The following RTTN variants were observed in gnomAD, a reference collection of about 807,000 sequenced individuals.
The protein encoded by RTTN is rotatin.
RTTN carries 182 observed loss-of-function variants against 269.2 expected under a neutral mutation model. That is an observed-to-expected ratio of 0.68 (90% CI 0.60 to 0.76). The LOEUF (loss-of-function observed/expected upper bound fraction) is 0.76, where lower values mean the gene tolerates loss of function less well. Ranked by LOEUF, RTTN falls within the 30% of genes least tolerant of loss-of-function variation. The pLI is 0.00. For synonymous variants in RTTN, 1,006 were observed against 963.5 expected (o/e 1.04, Z -0.82); for missense variants, 2,545 against 2,608.6 (o/e 0.98, Z 0.53).
chr18:70,119,084 C>A (rs1309455210), intron 26 of RTTN, among the ~76,000 whole-genome samples: 1 of 151,918 alleles, frequency 6.6e-6, no homozygotes, highest in African/African-American at 2.4e-5. Flanking sequence ...CTAGCCAGAG[C>A]AATTAGTATA....
At chr18:70,103,145 C>T (rs1026341665) in intron 28 of RTTN, among the ~76,000 whole-genome samples, 2 of 149,840 alleles carry the variant, frequency 1.3e-5, no homozygotes, top group South Asian at 4.3e-4. Context: ...AAGTGAGGAT[C>T]GCCTCTGCCT....
chr18:70,062,772 T>C (rs949862116), intron 35 of RTTN, among the ~76,000 whole-genome samples: 1 of 152,004 alleles, frequency 6.6e-6, no homozygotes, highest in South Asian at 2.1e-4. Context: ...CCACCATGCC[T>C]GGCTAATTTA....
intron 19 of RTTN, among the ~76,000 whole-genome samples, chr18:70,141,089 T>C (rs910987935): frequency 6.6e-6 from 1 of 152,306 alleles, no homozygotes; most frequent in African/African-American, 2.4e-5. Flanking sequence ...GAGTTTTTCT[T>C]GATCTTTTTT....
chr18:70,183,015 T>G (rs909319351), intron 10 of RTTN, among the ~76,000 whole-genome samples: 3 of 152,166 alleles, frequency 2.0e-5, no homozygotes, highest in Non-Finnish European at 4.4e-5. Context: ...AATGACATAA[T>G]TAAAAACTTT....
intron 34 of RTTN, among the ~76,000 whole-genome samples, chr18:70,067,162 TA>T (rs1263296458): frequency 5.3e-5 from 3 of 56,376 alleles, no homozygotes; most frequent in African/African-American, 8.9e-5. Context: ...AAAGCTTGTT[TA>T]TTTTTTTTTT....
intron 39 of RTTN, 49 bp downstream of exon 39, chr18:70,051,362 C>T: frequency 7.1e-6 from 11 of 1,545,964 alleles, no homozygotes; most frequent in Non-Finnish European, 9.6e-6. Flanking sequence ...GAATCATTAT[C>T]TCGTTTTATT....
intron 40 of RTTN, among the ~76,000 whole-genome samples, chr18:70,043,454 AG>A (rs1324267444): frequency 3.9e-5 from 6 of 152,306 alleles, no homozygotes; most frequent in Non-Finnish European, 8.8e-5. Context: ...ATGAAAAAAA[AG>A]CTAAAGTCTC....
At chr18:70,074,510 T>G (rs2058378439) in intron 33 of RTTN, among the ~76,000 whole-genome samples, 1 of 152,114 alleles carries the variant, frequency 6.6e-6, no homozygotes, top group South Asian at 2.1e-4. Flanking sequence ...GTCTTCAACT[T>G]ACTCTTAAAT....
intron 23 of RTTN, chr18:70,129,820 T>A (rs1017632101): frequency 3.3e-5 from 5 of 151,834 alleles, no homozygotes; most frequent in Admixed American, 1.3e-4. Context: ...AAGGAAACAG[T>A]CAACAAAGTG....
chr18:70,115,878 T>C (rs2059592002), intron 26 of RTTN, among the ~76,000 whole-genome samples: 1 of 152,022 alleles, frequency 6.6e-6, no homozygotes, highest in Admixed American at 6.6e-5. Context: ...TTGCTTATAG[T>C]ATATAGAGAT....
chr18:70,025,069 T>C (rs900136053), intron 43 of RTTN, among the ~76,000 whole-genome samples: 1 of 152,212 alleles, frequency 6.6e-6, no homozygotes, highest in Non-Finnish European at 1.5e-5. Flanking sequence ...GGTTAAGATG[T>C]ACCACTAAGT....
At chr18:70,165,447 T>C (rs1223975350) in intron 14 of RTTN, among the ~76,000 whole-genome samples, 1 of 151,804 alleles carries the variant, frequency 6.6e-6, no homozygotes, top group Non-Finnish European at 1.5e-5. Context: ...TATTTTTCTT[T>C]GAATAAAAAT....
intron 43 of RTTN, among the ~76,000 whole-genome samples, chr18:70,026,594 C>T (rs924744378): frequency 6.6e-6 from 1 of 152,150 alleles, no homozygotes; most frequent in African/African-American, 2.4e-5. Flanking sequence ...GCCAATTAAA[C>T]CTCTTTTCTT....
intron 43 of RTTN, among the ~76,000 whole-genome samples, chr18:70,027,757 T>C (rs1406094672): frequency 6.6e-6 from 1 of 152,186 alleles, no homozygotes; most frequent in African/African-American, 2.4e-5. Context: ...TAAATTCATA[T>C]ATAGGGAATT....
At chr18:70,059,366 T>C (rs1453486848) in intron 36 of RTTN, among the ~76,000 whole-genome samples, 1 of 152,222 alleles carries the variant, frequency 6.6e-6, no homozygotes, top group Non-Finnish European at 1.5e-5. Flanking sequence ...AAATAATTTT[T>C]CTTTGAATTT....
At chr18:70,195,666 C>G (rs528891956) in intron 7 of RTTN, among the ~76,000 whole-genome samples, 12 of 152,316 alleles carry the variant, frequency 7.9e-5, no homozygotes, top group African/African-American at 2.9e-4. Flanking sequence ...GCTAGAATAT[C>G]AGGGGCATAA....
chr18:70,166,472 G>C (rs2060989231), intron 13 of RTTN: 1 of 239,776 alleles, frequency 4.2e-6, no homozygotes, highest in African/African-American at 2.3e-5. Flanking sequence ...AAGCAATAAA[G>C]ACACTAAGTT....
At chr18:70,185,436 T>A (rs1568533883) in intron 10 of RTTN, among the ~76,000 whole-genome samples, 1 of 150,190 alleles carries the variant, frequency 6.7e-6, no homozygotes. Context: ...ACAATAATCA[T>A]TCATGATCAA....
intron 11 of RTTN, 67 bp from the exon 12 acceptor site, chr18:70,169,134 A>C (rs2061069920): frequency 8.7e-7 from 1 of 1,152,372 alleles, no homozygotes; most frequent in Non-Finnish European, 1.2e-6. Context: ...AGAGAAACAT[A>C]GTGGGCTATA....
Sources: gnomAD v4.1 joint callset for allele counts (sites outside exome capture counted in the v4.1 genomes callset) on GRCh38, gnomAD v4.1.1 for gene constraint, MANE v1.5 for transcripts, NCBI Gene and HGNC (gene_info 2026-07-23, HGNC 2026-07-21) for gene names.